Variants in TAF4B observed in about 807,000 individuals in gnomAD.
The protein encoded by TAF4B is transcription initiation factor TFIID subunit 4B.
A neutral mutation model predicts 86.4 loss-of-function variants in TAF4B; 38 were observed. That is an observed-to-expected ratio of 0.44 (90% CI 0.34 to 0.58). The LOEUF (loss-of-function observed/expected upper bound fraction) is 0.58, where lower values mean the gene tolerates loss of function less well. Ranked by LOEUF, TAF4B falls within the 20% of genes least tolerant of loss-of-function variation. The probability of loss-of-function intolerance (pLI) is 0.02; values close to 1 mark genes in which losing one functional copy is unlikely to be tolerated. For missense variants in TAF4B, 988 were observed against 1,027.6 expected, an observed-to-expected ratio of 0.96 and a Z score of 0.53; for synonymous variants, 388 against 391.2, an observed-to-expected ratio of 0.99 and a Z score of 0.10.
At chr18:26,261,172 ATTT>A (rs71169839) in intron 1 of TAF4B, among the ~76,000 whole-genome samples, 136 of 77,084 alleles carry the variant, frequency 1.8e-3, no homozygotes, top group African/African-American at 6.1e-3. Flanking sequence ...GAGCACTGTC[ATTT>A]TTTTTTTTTT....
chr18:26,286,723 G>A (rs1030741228), intron 7 of TAF4B, among the ~76,000 whole-genome samples: 3 of 150,874 alleles, frequency 2.0e-5, no homozygotes, highest in Non-Finnish European at 4.4e-5. Flanking sequence ...TTACTCTGTC[G>A]CCCAGGCTGG....
rs1978677856 is a variant in TAF4B at position 26,391,037 on chromosome 18, A to G, written c.*1025A>G. ...TCCTAATTTTTAAGCATGTTGGCAC[A>G]TTTAAAAAATCCTAATTGATGATGA... On this transcript the variant is annotated 3_prime_UTR_variant, in exon 15 of 15. Coordinates refer to ENST00000269142, the MANE Select transcript of TAF4B (RefSeq NM_005640.3). 6.6e-6 allele frequency: 1 copy of G among 152,214 alleles called. No individual in the cohort carries two copies. Among genetic ancestry groups the G allele is most frequent in the Admixed American group, 6.5e-5 (1 of 15,280 alleles). 9.4% of individuals were successfully genotyped at this position (152,214 alleles called of 1,614,324 possible).
chr18:26,370,101 A>T (rs75304398), intron 14 of TAF4B, among the ~76,000 whole-genome samples: 6,435 of 152,322 alleles, frequency 0.042, 186 homozygotes, highest in Non-Finnish European at 0.059. Context: ...TGACAATAAT[A>T]ATGAGATAGA....
At chr18:26,244,667 G>T (rs1232912649) in intron 1 of TAF4B, among the ~76,000 whole-genome samples, 2 of 152,196 alleles carry the variant, frequency 1.3e-5, no homozygotes, top group African/African-American at 4.8e-5. Context: ...GCTGGGAGCT[G>T]TAGACTGGAG....
At position 26,251,932 on chromosome 18, in the gene TAF4B, C is replaced by G. The variant is rs568692592; in HGVS notation, c.344-13238C>G. On this transcript the variant is annotated intron_variant, in intron 1 of 14. Coordinates refer to ENST00000269142, the MANE Select transcript of TAF4B (RefSeq NM_005640.3). ...GTCTACAGCTATTCTAATATTGCCTCCTACTGATGTTTTGAGTACTTAGTT... is the reference window on the plus strand; with the variant it reads ...GTCTACAGCTATTCTAATATTGCCTGCTACTGATGTTTTGAGTACTTAGTT... Among the ~76,000 whole-genome samples the G allele has an allele frequency of 5.0e-4, 76 of 152,254 alleles. 2 individuals are homozygous for G. Among genetic ancestry groups the G allele is most frequent in the Admixed American group, 4.6e-4 (7 of 15,294 alleles).
intron 3 of TAF4B, among the ~76,000 whole-genome samples, chr18:26,269,223 C>A (rs534779692): frequency 2.1e-5 from 2 of 94,172 alleles, no homozygotes; most frequent in African/African-American, 6.0e-5. Flanking sequence ...CAAAGTCCTC[C>A]AGTGAGTGTT....
chr18:26,227,344 C>G, intron 1 of TAF4B, 68 bp downstream of exon 1: 2 of 1,415,214 alleles, frequency 1.4e-6, no homozygotes, highest in Non-Finnish European at 1.9e-6. Context: ...ATTCGCAGCT[C>G]CAGATTGCTC....
intron 14 of TAF4B, among the ~76,000 whole-genome samples, chr18:26,363,417 G>A (rs548460926): frequency 6.9e-6 from 1 of 145,890 alleles, no homozygotes; most frequent in South Asian, 2.3e-4. Flanking sequence ...GTGGTGGTGT[G>A]CGCCTGTAGT....
intron 7 of TAF4B, among the ~76,000 whole-genome samples, chr18:26,291,580 G>A (rs2056593612): frequency 6.6e-6 from 1 of 151,604 alleles, no homozygotes; most frequent in Non-Finnish European, 1.5e-5. Context: ...GGTGGTGCGT[G>A]TCTGAAATCC....
intron 13 of TAF4B, among the ~76,000 whole-genome samples, chr18:26,344,638 C>T (rs1472658783): frequency 1.3e-5 from 2 of 152,146 alleles, no homozygotes; most frequent in African/African-American, 4.8e-5. Context: ...AAATGGAAAA[C>T]ATAATAGGCT....
chr18:26,376,519 A>ATTTT, intron 14 of TAF4B, among the ~76,000 whole-genome samples: 1 of 146,798 alleles, frequency 6.8e-6, no homozygotes, highest in Non-Finnish European at 1.5e-5. Flanking sequence ...TTGTACATTG[A>ATTTT]TTTTTTTTTT....
At chr18:26,352,327 C>G (rs1483351446) in intron 13 of TAF4B, among the ~76,000 whole-genome samples, 1 of 151,702 alleles carries the variant, frequency 6.6e-6, no homozygotes, top group Non-Finnish European at 1.5e-5. Flanking sequence ...GGAGAAAATG[C>G]TTACATTAGA....
intron 7 of TAF4B, among the ~76,000 whole-genome samples, 159 bp downstream of exon 7, chr18:26,286,658 C>A (rs1207501529): frequency 6.7e-6 from 1 of 149,390 alleles, no homozygotes; most frequent in South Asian, 2.1e-4. Flanking sequence ...TTGTTTTCCT[C>A]TTTCTACTCA....
Position 26,304,058 on chromosome 18 carries a change from TA to T in TAF4B, c.1832+10534del, listed in dbSNP as rs555442723. Among the ~76,000 whole-genome samples, 131 of 152,056 alleles carry T rather than the reference TA, an allele frequency of 8.6e-4. 1 individual carries two copies. Among genetic ancestry groups the T allele is most frequent in the African/African-American group, 3.0e-3 (123 of 41,526 alleles). On this transcript the variant is annotated intron_variant, in intron 9 of 14. Transcript: ENST00000269142. ...TACTAGCATAGAGAAATTCAGGACT[TA>T]AAAAAATCATATACCAACAGCCTTG...
chr18:26,301,295 T>G (rs1677011), intron 9 of TAF4B, among the ~76,000 whole-genome samples: 51,327 of 147,596 alleles, frequency 0.35, 10,750 homozygotes, highest in East Asian at 0.82. Context: ...TGTTGTTGTT[T>G]TTTTTTTTTT....
chr18:26,236,890 T>A (rs1409338417), intron 1 of TAF4B, among the ~76,000 whole-genome samples: 3 of 152,106 alleles, frequency 2.0e-5, no homozygotes, highest in Admixed American at 6.6e-5. Context: ...ATAATAAACT[T>A]ATCTTTGAGG....
intron 5 of TAF4B, among the ~76,000 whole-genome samples, chr18:26,280,177 A>G (rs1036053727): frequency 6.6e-6 from 1 of 152,184 alleles, no homozygotes; most frequent in African/African-American, 2.4e-5. Flanking sequence ...AGATGGATTA[A>G]AGATTTAAAT....
At chr18:26,281,523 A>G (rs1355003159) in intron 5 of TAF4B, among the ~76,000 whole-genome samples, 2 of 152,190 alleles carry the variant, frequency 1.3e-5, no homozygotes, top group Non-Finnish European at 2.9e-5. Context: ...AATTCTGGAA[A>G]TGTTGTCCCT....
chr18:26,268,845 CAG>C (rs1366154898), intron 3 of TAF4B, among the ~76,000 whole-genome samples: 4 of 152,044 alleles, frequency 2.6e-5, no homozygotes, highest in African/African-American at 7.3e-5. Flanking sequence ...TTTTTGAAGA[CAG>C]AGTCTCACTC....
Sources: gnomAD v4.1 joint callset for allele counts (sites outside exome capture counted in the v4.1 genomes callset) on GRCh38, gnomAD v4.1.1 for gene constraint, MANE v1.5 for transcripts, NCBI Gene and HGNC (gene_info 2026-07-23, HGNC 2026-07-21) for gene names.